The following SORBS2 variants were observed in gnomAD, a reference collection of about 807,000 sequenced individuals.
SORBS2 encodes sorbin and SH3 domain containing 2, also known as sorbin and SH3 domain-containing protein 2.
A neutral mutation model predicts 97.7 loss-of-function variants in SORBS2; 46 were observed. The ratio of observed to expected loss-of-function variants is 0.47; its 90% CI spans 0.37 to 0.60. The LOEUF is 0.60. Ranked by LOEUF, SORBS2 falls within the 20% of genes least tolerant of loss-of-function variation. SORBS2 has a pLI of 0.00. For synonymous variants in SORBS2, 476 were observed against 473.4 expected, an observed-to-expected ratio of 1.01 and a Z score of -0.07; for missense variants, 1,316 against 1,282.3, an observed-to-expected ratio of 1.03 and a Z score of -0.40.
At chr4:185,828,935 A>G (rs1398577179) in intron 1 of SORBS2, among the ~76,000 whole-genome samples, 2 of 152,134 alleles carry the variant, frequency 1.3e-5, no homozygotes, top group Non-Finnish European at 2.9e-5. Flanking sequence ...GCCTTCTCAC[A>G]GCTTTTACCA....
At chr4:185,731,896 ATATATATATATAT>A (rs1342119866) in intron 2 of SORBS2, among the ~76,000 whole-genome samples, 33 of 90,750 alleles carry the variant, frequency 3.6e-4, no homozygotes, top group African/African-American at 5.3e-4. Flanking sequence ...ATATATATAT[ATATATATATATAT>A]GTCTGTTTCT....
chr4:185,781,436 T>C (rs893261119), intron 1 of SORBS2, among the ~76,000 whole-genome samples: 1 of 152,114 alleles, frequency 6.6e-6, no homozygotes, highest in Non-Finnish European at 1.5e-5. Flanking sequence ...CGATCTGGTG[T>C]TCTGCAGCAT....
At chr4:185,933,920 C>T (rs2099267658) in intron 1 of SORBS2, among the ~76,000 whole-genome samples, 1 of 152,188 alleles carries the variant, frequency 6.6e-6, no homozygotes, top group African/African-American at 2.4e-5. Flanking sequence ...ATAAGTTGAC[C>T]TCCAACTGGC....
chr4:185,771,392 G>GTT (rs2098970571), intron 2 of SORBS2: 2 of 152,182 alleles, frequency 1.3e-5, no homozygotes, highest in Non-Finnish European at 2.9e-5. Flanking sequence ...TTGTGGGATG[G>GTT]TTCTGAATGA....
chr4:185,758,663 C>T (rs994658813), intron 2 of SORBS2, among the ~76,000 whole-genome samples: 1 of 152,162 alleles, frequency 6.6e-6, no homozygotes, highest in Non-Finnish European at 1.5e-5. Flanking sequence ...TTCCACCTTC[C>T]CCTTCTTACC....
chr4:185,654,855 A>G (rs1280989520), intron 1 of SORBS2, among the ~76,000 whole-genome samples: 4 of 152,170 alleles, frequency 2.6e-5, no homozygotes, highest in Non-Finnish European at 4.4e-5. Flanking sequence ...TTACATTCCT[A>G]CAGTTTTCAA....
intron 3 of SORBS2, among the ~76,000 whole-genome samples, 169 bp from the exon 13 acceptor site, chr4:185,646,951 A>G (rs2097218055): frequency 6.6e-6 from 1 of 152,116 alleles, no homozygotes; most frequent in African/African-American, 2.4e-5. Flanking sequence ...CACTGGCTCC[A>G]AAAGTCACAT....
chr4:185,677,740 A>C (rs2097812247), intron 4 of SORBS2: 1 of 878,462 alleles, frequency 1.1e-6, no homozygotes, highest in Non-Finnish European at 1.6e-6. Flanking sequence ...TTGCCTTTAC[A>C]GAAGTAAAGC....
chr4:185,596,630 G>T (rs1263083405), intron 12 of SORBS2, among the ~76,000 whole-genome samples: 3 of 149,694 alleles, frequency 2.0e-5, no homozygotes, highest in African/African-American at 7.5e-5. Flanking sequence ...TGCCTCCCGG[G>T]TTCAAGCGAT....
chr4:185,893,514 G>C (rs2099243489), intron 1 of SORBS2, among the ~76,000 whole-genome samples: 1 of 152,194 alleles, frequency 6.6e-6, no homozygotes, highest in African/African-American at 2.4e-5. Flanking sequence ...TAGCGTAGAG[G>C]TGAAGGGAAT....
chr4:185,937,601 T>C (rs1245939023), intron 1 of SORBS2, among the ~76,000 whole-genome samples: 2 of 152,110 alleles, frequency 1.3e-5, no homozygotes, highest in African/African-American at 2.4e-5. Flanking sequence ...TGATGAAAGA[T>C]GCATTTAGCA....
chr4:185,940,972 G>A (rs550873975), intron 1 of SORBS2, among the ~76,000 whole-genome samples: 1 of 152,256 alleles, frequency 6.6e-6, no homozygotes, highest in South Asian at 2.1e-4. Context: ...CTGGCATCTA[G>A]TGAGTAGAGG....
chr4:185,947,415 C>G (rs1455145283), intron 1 of SORBS2, among the ~76,000 whole-genome samples: 2 of 151,964 alleles, frequency 1.3e-5, no homozygotes, highest in African/African-American at 4.8e-5. Flanking sequence ...GGTTAATTCA[C>G]TTTTTTTTCT....
chr4:185,670,183 C>T (rs754133671), intron 4 of SORBS2, among the ~76,000 whole-genome samples: 130 of 151,964 alleles, frequency 8.6e-4, no homozygotes, highest in Non-Finnish European at 1.5e-3. Context: ...CACACCACTG[C>T]ACTCCAGCCT....
chr4:185,654,167 A>C (rs1029650500), intron 1 of SORBS2, among the ~76,000 whole-genome samples: 1 of 152,212 alleles, frequency 6.6e-6, no homozygotes, highest in Non-Finnish European at 1.5e-5. Flanking sequence ...CTCTTTCTCC[A>C]TGGAAGAGTT....
chr4:185,858,850 T>G (rs2099222143), intron 1 of SORBS2, among the ~76,000 whole-genome samples: 1 of 152,256 alleles, frequency 6.6e-6, no homozygotes, highest in Non-Finnish European at 1.5e-5. Context: ...ACTTCATTTA[T>G]TTCTTGCAGT....
intron 1 of SORBS2, among the ~76,000 whole-genome samples, chr4:185,898,052 C>G (rs2099245899): frequency 6.6e-6 from 1 of 152,168 alleles, no homozygotes; most frequent in Non-Finnish European, 1.5e-5. Context: ...AACAAAAAAG[C>G]TCAGGAGTTG....
chr4:185,636,882 C>T (rs1276344535), intron 4 of SORBS2, among the ~76,000 whole-genome samples: 2 of 152,052 alleles, frequency 1.3e-5, no homozygotes, highest in African/African-American at 2.4e-5. Context: ...CTGTTGATTT[C>T]GTGATCCGCC....
chr4:185,670,530 G>A (rs2153486312), intron 4 of SORBS2, among the ~76,000 whole-genome samples: 1 of 151,770 alleles, frequency 6.6e-6, no homozygotes, highest in Non-Finnish European at 1.5e-5. Flanking sequence ...TAAATGTCAA[G>A]CAAAGAAATC....
Sources: allele counts gnomAD v4.1 joint callset (sites outside exome capture counted in the v4.1 genomes callset), GRCh38; gene constraint gnomAD v4.1.1; transcripts MANE v1.5; gene names NCBI Gene and HGNC (gene_info 2026-07-23, HGNC 2026-07-21).